GPR158: variants seen among roughly 807,000 people sequenced by gnomAD.
The protein encoded by GPR158 is metabotropic glycine receptor.
A neutral mutation model predicts 78.2 loss-of-function variants in GPR158; 30 were observed. That is an observed-to-expected ratio of 0.38 (90% CI 0.29 to 0.52). The LOEUF is 0.52. Ranked by LOEUF, GPR158 falls within the 20% of genes least tolerant of loss-of-function variation. GPR158 has a pLI of 0.83. For missense variants in GPR158, 1,463 were observed against 1,523.5 expected, an observed-to-expected ratio of 0.96 and a Z score of 0.66; for synonymous variants, 581 against 591.1, an observed-to-expected ratio of 0.98 and a Z score of 0.25.
At chr10:25,469,783 CAAAAAAA>C (rs34432893) in intron 5 of GPR158, among the ~76,000 whole-genome samples, 1 of 47,378 alleles carries the variant, frequency 2.1e-5, no homozygotes, top group African/African-American at 7.7e-5. Context: ...GACTCCATCT[CAAAAAAA>C]AAAAAAAAAA....
intron 4 of GPR158, among the ~76,000 whole-genome samples, chr10:25,451,542 T>C (rs1835215701): frequency 6.6e-6 from 1 of 152,222 alleles, no homozygotes; most frequent in African/African-American, 2.4e-5. Context: ...TAAAAGCTGC[T>C]TCAGGAGCCA....
intron 7 of GPR158, among the ~76,000 whole-genome samples, chr10:25,583,717 G>A (rs1837232846): frequency 6.6e-6 from 1 of 151,992 alleles, no homozygotes; most frequent in Admixed American, 6.6e-5. Context: ...AAAAATAGAA[G>A]AGGACATTAA....
At chr10:25,473,498 T>C (rs553891243) in intron 5 of GPR158, among the ~76,000 whole-genome samples, 108 of 152,336 alleles carry the variant, frequency 7.1e-4, no homozygotes, top group African/African-American at 2.5e-3. Flanking sequence ...TTCCCTCTTT[T>C]TCTGTTGATT....
At chr10:25,240,974 T>A (rs978431560) in intron 2 of GPR158, among the ~76,000 whole-genome samples, 2 of 152,172 alleles carry the variant, frequency 1.3e-5, no homozygotes, top group African/African-American at 4.8e-5. Context: ...GGATTCCTCT[T>A]GTTTTCTATT....
intron 5 of GPR158, among the ~76,000 whole-genome samples, chr10:25,542,624 A>G (rs1012189688): frequency 3.9e-5 from 6 of 152,042 alleles, no homozygotes; most frequent in African/African-American, 1.4e-4. Context: ...GGAGTTGGAG[A>G]CCAGCCTGGC....
At chr10:25,197,393 C>G (rs1852857434) in intron 1 of GPR158, among the ~76,000 whole-genome samples, 1 of 151,940 alleles carries the variant, frequency 6.6e-6, no homozygotes, top group Non-Finnish European at 1.5e-5. Context: ...TTAAGGGTGT[C>G]TAGCATAATG....
chr10:25,522,979 C>A (rs976090547), intron 5 of GPR158, among the ~76,000 whole-genome samples: 5 of 152,146 alleles, frequency 3.3e-5, no homozygotes, highest in African/African-American at 1.2e-4. Context: ...AAAGTACTTT[C>A]AAGAGCTGAG....
intron 4 of GPR158, among the ~76,000 whole-genome samples, chr10:25,458,732 G>A (rs944421941): frequency 2.6e-5 from 4 of 152,174 alleles, no homozygotes; most frequent in African/African-American, 7.2e-5. Context: ...CTAATAAATG[G>A]TTAATACCAA....
At chr10:25,374,106 T>C (rs1223106606) in intron 2 of GPR158, among the ~76,000 whole-genome samples, 1 of 151,742 alleles carries the variant, frequency 6.6e-6, no homozygotes, top group Non-Finnish European at 1.5e-5. Context: ...ATGTATATTA[T>C]TGGTGCATAT....
chr10:25,460,709 A>T (rs1320929456), intron 4 of GPR158, among the ~76,000 whole-genome samples: 2 of 152,194 alleles, frequency 1.3e-5, no homozygotes, highest in Non-Finnish European at 2.9e-5. Flanking sequence ...ACATCTATTT[A>T]GTATGTATAT....
chr10:25,187,792 G>T (rs1420927677), intron 1 of GPR158, among the ~76,000 whole-genome samples: 1 of 152,138 alleles, frequency 6.6e-6, no homozygotes, highest in Non-Finnish European at 1.5e-5. Flanking sequence ...GGGCAATCAG[G>T]CAGGAGAAAG....
At chr10:25,181,802 C>T (rs996290233) in intron 1 of GPR158, among the ~76,000 whole-genome samples, 1 of 152,132 alleles carries the variant, frequency 6.6e-6, no homozygotes, top group Non-Finnish European at 1.5e-5. Context: ...ACTGCATCCT[C>T]AACCTCCCAG....
intron 1 of GPR158, among the ~76,000 whole-genome samples, chr10:25,207,291 C>G (rs916202655): frequency 5.3e-5 from 8 of 152,160 alleles, no homozygotes; most frequent in Non-Finnish European, 1.0e-4. Context: ...TTTGCTATGA[C>G]TCATTCATTG....
intron 2 of GPR158, among the ~76,000 whole-genome samples, chr10:25,291,665 C>T (rs1012518983): frequency 6.6e-6 from 1 of 151,764 alleles, no homozygotes; most frequent in African/African-American, 2.4e-5. Flanking sequence ...CAAAACATCA[C>T]AGTAAAATGA....
intron 5 of GPR158, among the ~76,000 whole-genome samples, chr10:25,495,457 C>T (rs3005183): frequency 0.72 from 108,676 of 151,310 alleles, 39,707 homozygotes; most frequent in East Asian, 0.99. Flanking sequence ...CACGCCCGGC[C>T]AATTTTTTGT....
intron 2 of GPR158, among the ~76,000 whole-genome samples, chr10:25,316,059 A>G (rs1854843362): frequency 2.0e-5 from 3 of 152,110 alleles, no homozygotes; most frequent in Admixed American, 1.3e-4. Context: ...ATATTGTTCC[A>G]TTGCAGTCTT....
intron 2 of GPR158, among the ~76,000 whole-genome samples, chr10:25,307,377 C>CTTTT (rs561085223): frequency 1.7e-5 from 2 of 114,386 alleles, no homozygotes; most frequent in African/African-American, 6.9e-5. Context: ...ATTTTAATTG[C>CTTTT]TTTTTTTTTT....
At chr10:25,307,484 A>T (rs576988583) in intron 2 of GPR158, among the ~76,000 whole-genome samples, 2 of 150,702 alleles carry the variant, frequency 1.3e-5, no homozygotes, top group East Asian at 4.0e-4. Context: ...CCTGGGGTCA[A>T]GTGATCCTCC....
At chr10:25,246,070 T>C (rs77534193) in intron 2 of GPR158, among the ~76,000 whole-genome samples, 2,578 of 152,322 alleles carry the variant, frequency 0.017, 59 homozygotes, top group African/African-American at 0.05. Flanking sequence ...TAAATTGATA[T>C]AAGTTTTGAG....
Sources: gnomAD v4.1 joint callset for allele counts (sites outside exome capture counted in the v4.1 genomes callset) on GRCh38, gnomAD v4.1.1 for gene constraint, MANE v1.5 for transcripts, NCBI Gene and HGNC (gene_info 2026-07-23, HGNC 2026-07-21) for gene names.